RBM28: variants seen among roughly 807,000 people sequenced by gnomAD.
RBM28 encodes RNA binding motif protein 28, also known as RNA-binding protein 28.
A neutral mutation model predicts 98.3 loss-of-function variants in RBM28; 78 were observed. The observed-to-expected ratio is 0.79, with a 90% CI of 0.66 to 0.96. The LOEUF is 0.96. Among genes scored for constraint, RBM28 ranks in the 40% least tolerant of loss-of-function variants. The probability of loss-of-function intolerance (pLI) is 0.00; values close to 1 mark genes in which losing one functional copy is unlikely to be tolerated. For missense variants in RBM28, 838 were observed against 913.0 expected (o/e 0.92, Z 1.06); for synonymous variants, 306 against 330.9 (o/e 0.92, Z 0.82).
chr7:128,314,570 C>T (rs531612694), intron 17 of RBM28, among the ~76,000 whole-genome samples, 194 bp downstream of exon 17: 1 of 152,218 alleles, frequency 6.6e-6, no homozygotes, highest in Non-Finnish European at 1.5e-5. Context: ...CCCTAGGAGG[C>T]CCCTCTGCCA....
rs1795864995 is a variant in RBM28 at position 128,306,199 on chromosome 7, T to TC, written c.*4597dup. The TC allele has an allele frequency of 6.6e-6, 1 of 152,158 alleles. No homozygotes were observed. Among genetic ancestry groups the TC allele is most frequent in the African/African-American group, 2.4e-5 (1 of 41,424 alleles). 9.4% of individuals were successfully genotyped at this position (152,158 alleles called of 1,614,324 possible). ...TCACAATGCCCTGGGATGGCTGAGG[T>TC]CCCCACGGAGATGTTGGGCCTTGAG... On this transcript the variant is annotated 3_prime_UTR_variant, in exon 19 of 19. Transcript: ENST00000223073.
At chr7:128,337,461 T>A (rs1426118657) in intron 5 of RBM28, among the ~76,000 whole-genome samples, 1 of 151,742 alleles carries the variant, frequency 6.6e-6, no homozygotes, top group Admixed American at 6.6e-5. Context: ...AAATAAAGAA[T>A]TAGAACTATG....
At chr7:128,339,078 G>C (rs1452418211) in intron 3 of RBM28, 149 bp downstream of exon 3, 2 of 815,734 alleles carry the variant, frequency 2.5e-6, no homozygotes, top group East Asian at 4.8e-5. Context: ...TATTACACAG[G>C]CCCACTTTCT....
rs1165838799 is a variant in RBM28, at chr7:128,307,682, C to T, written c.*3115G>A. On this transcript the variant is annotated 3_prime_UTR_variant, in exon 19 of 19. Transcript: ENST00000223073. ...AAACAAATAAGGCAAAGAACAGCTG[C>T]ACATCATCTTAAGATTCCTTATTTA... 6.6e-6 allele frequency: 1 copy of T among 152,120 alleles called. No individual in the cohort carries two copies. The highest frequency in any genetic ancestry group is 2.4e-5 in the African/African-American group (1 of 41,416). The allele number at this position is 152,120 out of a possible 1,614,324, so 9.4% of individuals were successfully genotyped here.
At chr7:128,330,700 C>G in intron 10 of RBM28, 119 bp downstream of exon 10, 1 of 795,922 alleles carries the variant, frequency 1.3e-6, no homozygotes, top group East Asian at 2.5e-5. Context: ...AACCCAGAAA[C>G]CTGGGCTGGA....
chr7:128,332,980 C>T (rs545510593), intron 9 of RBM28, among the ~76,000 whole-genome samples: 1 of 152,328 alleles, frequency 6.6e-6, no homozygotes, highest in East Asian at 1.9e-4. Context: ...TCCTCTCCAG[C>T]ACTCCCCCTA....
chr7:128,325,586 C>T (rs1334610139), intron 11 of RBM28, among the ~76,000 whole-genome samples: 1 of 152,172 alleles, frequency 6.6e-6, no homozygotes, highest in East Asian at 1.9e-4. Flanking sequence ...TTATTATCCC[C>T]TTTTCCTCAC....
chr7:128,338,387 T>C (rs10268098), intron 4 of RBM28, 45 bp from the exon 5 acceptor site: 1 of 1,490,234 alleles, frequency 6.7e-7, no homozygotes, highest in Non-Finnish European at 9.4e-7. Context: ...CAGCAGGAGG[T>C]AGCCAGAATA....
Position 128,313,256 on chromosome 7 carries a change from T to A in RBM28, c.2064A>T (p.Lys688Asn), listed in dbSNP as rs772554580. 17 of 1,614,152 alleles carry A rather than the reference T, an allele frequency of 1.1e-5. No individual in the cohort carries two copies. In the South Asian group the frequency reaches 1.9e-4, roughly 18 times the overall value. The change falls in exon 18 of 19, where the codon AAA becomes AAT. Residue 688 changes from lysine (K) to asparagine (N), a missense_variant. Physicochemically the swap from Lys to Asn is moderately conservative, Grantham distance 94. Transcript: ENST00000223073. ...GPKIRLRDKGKVKPVHPKKPK... is the reference protein window; with the variant it reads ...GPKIRLRDKGNVKPVHPKKPK... ...GCTTTTTGGGATGGACGGGCTTCAC[T>A]TTGCCTTTGTCCCGCAACCTGAAAT...
rs1446152138 is a variant in RBM28, at chr7:128,304,907, TC to T, written c.*5889del. 1 of 152,182 alleles carries T rather than the reference TC, an allele frequency of 6.6e-6. No individual in the cohort carries two copies. Among genetic ancestry groups the T allele is most frequent in the African/African-American group, 2.4e-5 (1 of 41,410 alleles). 9.4% of individuals were successfully genotyped at this position (152,182 alleles called of 1,614,324 possible). On this transcript the variant is annotated 3_prime_UTR_variant, in exon 19 of 19. Transcript: ENST00000223073. ...CGGGCACGGTGGTTCATGCCTGTAA[TC>T]CCAGCACTTTGGGAGGCCGAGGTGG... is the stretch of plus-strand genomic sequence containing the variant.
At chr7:128,330,089 T>C (rs961429033) in intron 10 of RBM28, among the ~76,000 whole-genome samples, 3 of 151,928 alleles carry the variant, frequency 2.0e-5, no homozygotes, top group Non-Finnish European at 2.9e-5. Flanking sequence ...TCCTGCAACA[T>C]AGAGTTTTCC....
chr7:128,330,681 C>T, intron 10 of RBM28, 138 bp downstream of exon 10: 1 of 738,626 alleles, frequency 1.4e-6, no homozygotes, highest in Non-Finnish European at 2.4e-6. Flanking sequence ...GTCCCTGGTA[C>T]TTTTATAGAA....
At chr7:128,327,149 GA>G (rs1796371671) in intron 10 of RBM28, among the ~76,000 whole-genome samples, 1 of 151,900 alleles carries the variant, frequency 6.6e-6, no homozygotes, top group African/African-American at 2.4e-5. Context: ...AGAAAGAAAA[GA>G]AAAGAAAAGA....
At chr7:128,334,972 T>C (rs746688166) in intron 8 of RBM28, among the ~76,000 whole-genome samples, 15 of 152,220 alleles carry the variant, frequency 9.9e-5, no homozygotes, top group Non-Finnish European at 1.9e-4. Flanking sequence ...GGCAGCAGTC[T>C]GCAAGCTAGG....
chr7:128,313,077 T>G, intron 18 of RBM28, 98 bp downstream of exon 18: 2 of 1,239,902 alleles, frequency 1.6e-6, no homozygotes, highest in Non-Finnish European at 2.4e-6. Flanking sequence ...ACAGAAGTCT[T>G]TCTTTTTTTC....
rs1161027650 is a variant in RBM28, at chr7:128,305,512, G to C, written c.*5285C>G. ...GAATTTTTTCTTTTTTTGTAGAGGT[G>C]GGATCTTGCTATGTTGCCCAGGCTA... On this transcript the variant is annotated 3_prime_UTR_variant, in exon 19 of 19. Coordinates refer to ENST00000223073, the MANE Select transcript of RBM28 (RefSeq NM_018077.3). 3.3e-5 allele frequency: 5 copies of C among 152,256 alleles called. No individual in the cohort carries two copies. The highest frequency in any genetic ancestry group is 5.9e-5 in the Non-Finnish European group (4 of 68,130). The allele number at this position is 152,256 out of a possible 1,614,324, so 9.4% of individuals were successfully genotyped here.
intron 1 of RBM28, chr7:128,341,163 C>T (rs1359927409): frequency 3.9e-6 from 5 of 1,289,608 alleles, no homozygotes; most frequent in African/African-American, 3.0e-5. Flanking sequence ...CTTTCCACTG[C>T]ATTTGAATCT....
In RBM28 at chr7:128,335,578, T is replaced by C; in HGVS notation, c.911A>G (p.Gln304Arg). The part of the protein sequence containing the change: ...DSIDDGEELA[Q>R]SDTSTEEQED... ...TTGCTCCTCAGTGCTGGTATCACTC[T>C]GAGCCAGTTCCTCTCCATCATCAAT... is the stretch of plus-strand genomic sequence containing the variant. The change falls in exon 8 of 19, where the codon CAG becomes CGG. Residue 304 changes from glutamine to arginine, a missense_variant. By Grantham distance (43) the Gln-to-Arg change is conservative. Coordinates refer to ENST00000223073, the MANE Select transcript of RBM28 (RefSeq NM_018077.3). 1 of 1,614,246 alleles carries C rather than the reference T, an allele frequency of 6.2e-7. No individual in the cohort carries two copies. The highest frequency in any genetic ancestry group is 8.5e-7 in the Non-Finnish European group (1 of 1,180,040).
intron 1 of RBM28, among the ~76,000 whole-genome samples, chr7:128,342,796 C>G (rs1796755450): frequency 6.6e-6 from 1 of 152,212 alleles, no homozygotes; most frequent in South Asian, 2.1e-4. Flanking sequence ...CTCCAATATA[C>G]CAAAAACACC....
Sources: allele counts gnomAD v4.1 joint callset (sites outside exome capture counted in the v4.1 genomes callset), GRCh38; gene constraint gnomAD v4.1.1; transcripts MANE v1.5; gene names NCBI Gene and HGNC (gene_info 2026-07-23, HGNC 2026-07-21).